The following NT5M variants were observed in gnomAD, a reference collection of about 807,000 sequenced individuals.
NT5M encodes the protein 5'(3')-deoxyribonucleotidase, mitochondrial.
A neutral mutation model predicts 22.2 loss-of-function variants in NT5M; 22 were observed. The ratio of observed to expected loss-of-function variants is 0.99; its 90% confidence interval spans 0.71 to 1.41. The LOEUF is 1.41. NT5M is among the 40% of genes most tolerant of loss of function. The pLI is 0.00. For missense variants in NT5M, 322 were observed against 314.8 expected (o/e 1.02, Z -0.17); for synonymous variants, 167 against 133.0 (o/e 1.26, Z -1.76).
chr17:17,346,890 G>C lies in NT5M; in HGVS notation c.630G>C (p.Arg210Ser). Residue 210 changes from arginine (R) to serine (S), a missense_variant, in exon 5 of 5, where the codon AGG becomes AGC. Transcript: ENST00000389022. ...QHLQLQPPRR[R>S]LHSWADDWKA... ...TGCAGCTGCAGCCCCCCCGCCGCAGGCTGCACTCGTGGGCGGACGACTGGA... is the reference window on the plus strand; with the variant it reads ...TGCAGCTGCAGCCCCCCCGCCGCAGCCTGCACTCGTGGGCGGACGACTGGA... 6.2e-7 allele frequency: 1 copy of C among 1,610,878 alleles called. No individual in the cohort carries two copies. The highest frequency in any genetic ancestry group is 1.3e-5 in the African/African-American group (1 of 75,050).
intron 2 of NT5M, among the ~76,000 whole-genome samples, chr17:17,307,185 C>T (rs887675215): frequency 3.3e-5 from 5 of 151,982 alleles, no homozygotes; most frequent in South Asian, 4.1e-4. Flanking sequence ...GCAAGAAGAG[C>T]GAAACTCCAT....
At chr17:17,314,365 A>C (rs2048980421) in intron 2 of NT5M, among the ~76,000 whole-genome samples, 1 of 152,038 alleles carries the variant, frequency 6.6e-6, no homozygotes, top group Non-Finnish European at 1.5e-5. Context: ...CTCCAATAGC[A>C]TGAGCGTGTG....
At chr17:17,331,430 T>C (rs1246306704) in intron 3 of NT5M, among the ~76,000 whole-genome samples, 1 of 151,694 alleles carries the variant, frequency 6.6e-6, no homozygotes, top group Non-Finnish European at 1.5e-5. Context: ...ACACTTTAAA[T>C]TGGTAAATTT....
intron 2 of NT5M, among the ~76,000 whole-genome samples, chr17:17,320,443 G>A (rs1819825640): frequency 6.6e-6 from 1 of 152,118 alleles, no homozygotes; most frequent in Non-Finnish European, 1.5e-5. Context: ...ATCTGATATT[G>A]GGGGTGGAAT....
intron 4 of NT5M, 151 bp from the exon 5 acceptor site, chr17:17,346,654 C>T (rs2049764763): frequency 1.2e-6 from 1 of 841,724 alleles, no homozygotes; most frequent in Non-Finnish European, 1.8e-6. Flanking sequence ...CTCACACCCG[C>T]TGCGAAGGCG....
intron 2 of NT5M, among the ~76,000 whole-genome samples, chr17:17,308,591 CA>C (rs145854399): frequency 6.9e-4 from 99 of 142,750 alleles, no homozygotes; most frequent in African/African-American, 1.9e-3. Flanking sequence ...AACTCTGTCT[CA>C]AAAAAAAAAA....
intron 3 of NT5M, among the ~76,000 whole-genome samples, chr17:17,339,762 A>G (rs1373997073): frequency 6.6e-6 from 1 of 152,116 alleles, no homozygotes; most frequent in Admixed American, 6.6e-5. Context: ...CATTCTGTTG[A>G]TATGATATAT....
At chr17:17,311,453 A>G (rs1041199326) in intron 2 of NT5M, among the ~76,000 whole-genome samples, 4 of 152,096 alleles carry the variant, frequency 2.6e-5, no homozygotes, top group African/African-American at 9.7e-5. Context: ...TTTTGCATGT[A>G]GATATCTTGT....
rs139859925 is a variant in NT5M, at chr17:17,310,014, C to A, written c.368+3371C>A. Reference sequence around the variant, plus strand: ...TAATTTTTTGTATTTTTAGTAGAGACGGGGCTTCACCATGTTAGCCAGGAT... The same window carrying A: ...TAATTTTTTGTATTTTTAGTAGAGAAGGGGCTTCACCATGTTAGCCAGGAT... On this transcript the variant is annotated intron_variant, in intron 2 of 4. Coordinates refer to ENST00000389022, the MANE Select transcript of NT5M (RefSeq NM_020201.4). Among the ~76,000 whole-genome samples, 815 of 151,872 alleles carry A rather than the reference C, an allele frequency of 5.4e-3. 5 individuals carry two copies. Among genetic ancestry groups the A allele is most frequent in the African/African-American group, 0.019 (784 of 41,380 alleles).
intron 2 of NT5M, among the ~76,000 whole-genome samples, chr17:17,317,972 A>C (rs988690085): frequency 8.5e-6 from 1 of 117,324 alleles, no homozygotes; most frequent in African/African-American, 2.7e-5. Context: ...CAAAAAAAAA[A>C]AAAAAAAAAA....
At chr17:17,338,962 C>G (rs920499400) in intron 3 of NT5M, among the ~76,000 whole-genome samples, 1 of 151,902 alleles carries the variant, frequency 6.6e-6, no homozygotes, top group Non-Finnish European at 1.5e-5. Context: ...TTCCTGACCT[C>G]GTGATCTGCC....
At chr17:17,306,430 G>A in intron 1 of NT5M, 113 bp from the exon 2 acceptor site, 1 of 748,604 alleles carries the variant, frequency 1.3e-6, no homozygotes, top group Non-Finnish European at 2.4e-6. Flanking sequence ...GTGTGTTTGG[G>A]GGAGTGAGAG....
intron 3 of NT5M, among the ~76,000 whole-genome samples, chr17:17,330,027 G>A (rs955064996): frequency 7.9e-5 from 12 of 151,956 alleles, no homozygotes; most frequent in Non-Finnish European, 1.5e-4. Context: ...CTGGCTGGGC[G>A]TGGTGGCTCA....
intron 3 of NT5M, among the ~76,000 whole-genome samples, chr17:17,337,115 G>A (rs2049531145): frequency 6.6e-6 from 1 of 152,044 alleles, no homozygotes; most frequent in South Asian, 2.1e-4. Flanking sequence ...ATTTGTTATT[G>A]CCTGACTTTT....
At chr17:17,329,394 T>A (rs1215087285) in intron 3 of NT5M, among the ~76,000 whole-genome samples, 4 of 152,230 alleles carry the variant, frequency 2.6e-5, no homozygotes, top group Non-Finnish European at 5.9e-5. Context: ...GCCCATGCTC[T>A]GCTCCTCGGC....
chr17:17,307,388 C>T (rs1339940705), intron 2 of NT5M, among the ~76,000 whole-genome samples: 1 of 152,132 alleles, frequency 6.6e-6, no homozygotes, highest in Non-Finnish European at 1.5e-5. Context: ...CTTTGAGAGG[C>T]CGAGGCAGGT....
chr17:17,321,225 G>A (rs1040554433), intron 2 of NT5M, among the ~76,000 whole-genome samples: 1 of 151,932 alleles, frequency 6.6e-6, no homozygotes, highest in Non-Finnish European at 1.5e-5. Flanking sequence ...CGGGCATTCG[G>A]GAGGTGCCAG....
chr17:17,330,332 A>C (rs1392702564), intron 3 of NT5M, among the ~76,000 whole-genome samples: 1 of 150,744 alleles, frequency 6.6e-6, no homozygotes, highest in African/African-American at 2.4e-5. Flanking sequence ...CCCACTCCTT[A>C]ATTGAGCCTC....
intron 1 of NT5M, among the ~76,000 whole-genome samples, chr17:17,305,403 C>A (rs8082379): frequency 3.8e-5 from 5 of 130,280 alleles, no homozygotes; most frequent in African/African-American, 8.2e-5. Context: ...CGCCCCCCCC[C>A]CCCCGCCCCC....
Sources: allele counts gnomAD v4.1 joint callset (sites outside exome capture counted in the v4.1 genomes callset), GRCh38; gene constraint gnomAD v4.1.1; transcripts MANE v1.5; gene names NCBI Gene and HGNC (gene_info 2026-07-23, HGNC 2026-07-21).